The following CRPPA variants were observed in gnomAD, a reference collection of about 807,000 sequenced individuals.
The protein encoded by CRPPA is CDP-L-ribitol pyrophosphorylase A, also known as D-ribitol-5-phosphate cytidylyltransferase.
A neutral mutation model predicts 52.0 loss-of-function variants in CRPPA; 43 were observed. The ratio of observed to expected loss-of-function variants is 0.83; its 90% CI spans 0.65 to 1.07. The LOEUF is 1.07. Ranked by LOEUF, CRPPA falls within the 50% of genes least tolerant of loss-of-function variation. The pLI, the probability that CRPPA is intolerant of heterozygous loss-of-function variation, is 0.00. For missense variants in CRPPA, 629 were observed against 551.7 expected (o/e 1.14, Z -1.40); for synonymous variants, 250 against 203.5 (o/e 1.23, Z -1.94).
chr7:16,139,834 T>C (rs1291320643), intron 9 of CRPPA, among the ~76,000 whole-genome samples: 6 of 152,298 alleles, frequency 3.9e-5, no homozygotes, highest in South Asian at 2.1e-4. Flanking sequence ...ATAGATACTT[T>C]ATTTCTATTT....
chr7:16,372,942 T>C (rs1223221953), intron 3 of CRPPA, among the ~76,000 whole-genome samples: 2 of 152,188 alleles, frequency 1.3e-5, no homozygotes, highest in African/African-American at 4.8e-5. Context: ...ACTTTAAGAT[T>C]ATAAGATTAT....
At chr7:16,254,923 A>T (rs188842640) in intron 8 of CRPPA, among the ~76,000 whole-genome samples, 2 of 152,224 alleles carry the variant, frequency 1.3e-5, no homozygotes, top group Non-Finnish European at 2.9e-5. Context: ...TCAACATAGT[A>T]TTGGAAGTTC....
intron 2 of CRPPA, among the ~76,000 whole-genome samples, chr7:16,397,589 C>A (rs955628495): frequency 6.6e-6 from 1 of 152,026 alleles, no homozygotes; most frequent in Non-Finnish European, 1.5e-5. Context: ...TGAGACGTGA[C>A]AGATTACTGA....
chr7:16,308,585 A>C lies in CRPPA; in HGVS notation c.727T>G (p.Leu243Val), dbSNP rs756109539. 6.8e-6 allele frequency: 11 copies of C among 1,611,442 alleles called. No homozygotes were observed. The South Asian group carries it at 1.1e-4, about 16-fold the overall frequency. ...TTAGTGCAACAGTATTTTAGGGCCA[A>C]TTGCAAACACTCAGTTCCAAATTCC... ...DLEFGTECLQ[L>V]ALKYCCTKAK... Residue 243 changes from leucine to valine, a missense_variant, in exon 4 of 10, where the codon TTG becomes GTG. Transcript: ENST00000407010.
chr7:16,174,260 G>A (rs1012661726), intron 9 of CRPPA, among the ~76,000 whole-genome samples: 5 of 152,118 alleles, frequency 3.3e-5, no homozygotes, highest in Non-Finnish European at 7.4e-5. Flanking sequence ...CAAGGATGGG[G>A]GGAAAATGCA....
In CRPPA at chr7:16,278,237, A is replaced by G. The variant is rs1295459364; in HGVS notation, c.836-11T>C. On this transcript the variant is annotated splice_polypyrimidine_tract_variant and intron_variant, in intron 5 of 9. Transcript: ENST00000407010. ...CTTGGGAAATTCTCTCTGAAATTAA[A>G]AAAAAAAAGTTTTAAGTTTCAAACA... 2.8e-6 allele frequency: 4 copies of G among 1,415,664 alleles called. No homozygotes were observed. The highest frequency in any genetic ancestry group is 3.9e-6 in the Non-Finnish European group (4 of 1,033,956). 87.7% of individuals were successfully genotyped at this position (1,415,664 alleles called of 1,614,324 possible).
At chr7:16,299,548 G>T (rs867988918) in intron 5 of CRPPA, among the ~76,000 whole-genome samples, 6 of 152,092 alleles carry the variant, frequency 3.9e-5, no homozygotes, top group Non-Finnish European at 5.9e-5. Flanking sequence ...ACTGAGAGTA[G>T]AAAGGCCCCA....
intron 1 of CRPPA, among the ~76,000 whole-genome samples, chr7:16,412,602 A>G (rs1044078621): frequency 1.3e-5 from 2 of 152,224 alleles, no homozygotes; most frequent in African/African-American, 4.8e-5. Flanking sequence ...TAGTTATAGA[A>G]CTAAAAGTCT....
chr7:16,279,417 A>T (rs12531451), intron 5 of CRPPA, among the ~76,000 whole-genome samples: 1 of 152,098 alleles, frequency 6.6e-6, no homozygotes, highest in South Asian at 2.1e-4. Context: ...TATCATTCTG[A>T]ATCTATGTAA....
intron 3 of CRPPA, among the ~76,000 whole-genome samples, chr7:16,335,439 TGAG>T (rs765103509): frequency 6.6e-6 from 1 of 151,910 alleles, no homozygotes; most frequent in African/African-American, 2.4e-5. Context: ...ATGAACAAAA[TGAG>T]AAGTTTGACA....
At chr7:16,149,517 T>G (rs1783034728) in intron 9 of CRPPA, among the ~76,000 whole-genome samples, 1 of 152,240 alleles carries the variant, frequency 6.6e-6, no homozygotes, top group African/African-American at 2.4e-5. Context: ...ATTGGAAACA[T>G]GAGGAAATGA....
At chr7:16,258,122 T>G (rs1393247930) in intron 8 of CRPPA, among the ~76,000 whole-genome samples, 3 of 152,066 alleles carry the variant, frequency 2.0e-5, no homozygotes, top group Non-Finnish European at 4.4e-5. Context: ...ACCGAATACT[T>G]TGCCATTTTA....
chr7:16,237,142 C>T lies in CRPPA; in HGVS notation c.1120-20945G>A, dbSNP rs560061774. ...AGACATAAAATTAGAGGTTATACTTCTTTTCTCTCATTTATTTAAGCTTCA... is the reference window on the plus strand; with the variant it reads ...AGACATAAAATTAGAGGTTATACTTTTTTTCTCTCATTTATTTAAGCTTCA... On this transcript the variant is annotated intron_variant, in intron 8 of 9. Coordinates refer to ENST00000407010, the MANE Select transcript of CRPPA (RefSeq NM_001101426.4). Among the ~76,000 whole-genome samples, 4 of 152,268 alleles carry T rather than the reference C, an allele frequency of 2.6e-5. No individual in the cohort carries two copies. The South Asian group carries it at 6.2e-4, about 24-fold the overall frequency.
At chr7:16,411,151 C>T (rs1041805838) in intron 1 of CRPPA, among the ~76,000 whole-genome samples, 1 of 152,152 alleles carries the variant, frequency 6.6e-6, no homozygotes, top group Non-Finnish European at 1.5e-5. Flanking sequence ...TAGAATATTT[C>T]GCCTGCAATA....
chr7:16,348,937 G>C (rs10277459), intron 3 of CRPPA, among the ~76,000 whole-genome samples: 1 of 152,152 alleles, frequency 6.6e-6, no homozygotes, highest in Non-Finnish European at 1.5e-5. Flanking sequence ...TTGTATTCCT[G>C]AATAGTCCTA....
At chr7:16,176,986 A>G in intron 9 of CRPPA, among the ~76,000 whole-genome samples, 1 of 152,164 alleles carries the variant, frequency 6.6e-6, no homozygotes, top group African/African-American at 2.4e-5. Context: ...AAACCTATTG[A>G]TATACGCAGC....
rs536623787 is a variant in CRPPA, at chr7:16,353,139, T to C, written c.684+22953A>G. Among the ~76,000 whole-genome samples the C allele has an allele frequency of 3.3e-5, 5 of 152,134 alleles. No homozygotes were observed. In the East Asian group the frequency reaches 9.7e-4, roughly 30 times the overall value. On this transcript the variant is annotated intron_variant, in intron 3 of 9. Transcript: ENST00000407010. Reference sequence around the variant, plus strand: ...GGAAGGCCAAGCAGAGAGAATTGCTTGAGCCCAGGAGTTCGAGACCAGTCT... The same window carrying C: ...GGAAGGCCAAGCAGAGAGAATTGCTCGAGCCCAGGAGTTCGAGACCAGTCT...
chr7:16,199,826 T>G (rs1781810270), intron 9 of CRPPA, among the ~76,000 whole-genome samples: 1 of 151,888 alleles, frequency 6.6e-6, no homozygotes, highest in Non-Finnish European at 1.5e-5. Context: ...TATTCCAAAA[T>G]TATTGCCTTC....
At chr7:16,148,713 A>G (rs1219449284) in intron 9 of CRPPA, among the ~76,000 whole-genome samples, 4 of 152,146 alleles carry the variant, frequency 2.6e-5, no homozygotes, top group Non-Finnish European at 5.9e-5. Context: ...TGAGTTCTAT[A>G]GTAGGGTAAA....
Sources: allele counts gnomAD v4.1 joint callset (sites outside exome capture counted in the v4.1 genomes callset), GRCh38; gene constraint gnomAD v4.1.1; transcripts MANE v1.5; gene names NCBI Gene and HGNC (gene_info 2026-07-23, HGNC 2026-07-21).